DSCAM: variants seen among roughly 807,000 people sequenced by gnomAD.
The protein encoded by DSCAM is DS cell adhesion molecule.
A neutral mutation model predicts 217.7 loss-of-function variants in DSCAM; 47 were observed. The observed-to-expected ratio is 0.22, with a 90% confidence interval of 0.17 to 0.28. The LOEUF (loss-of-function observed/expected upper bound fraction) is 0.28, where lower values mean the gene tolerates loss of function less well. Ranked by LOEUF, DSCAM falls within the 10% of genes least tolerant of loss-of-function variation. The probability of loss-of-function intolerance (pLI) is 1.00; values close to 1 mark genes in which losing one functional copy is unlikely to be tolerated. For missense variants in DSCAM, 2,080 were observed against 2,618.3 expected, an observed-to-expected ratio of 0.79 and a Z score of 4.49; for synonymous variants, 1,056 against 1,015.3, an observed-to-expected ratio of 1.04 and a Z score of -0.76.
At chr21:40,674,909 C>T (rs930561899) in intron 3 of DSCAM, among the ~76,000 whole-genome samples, 11 of 152,168 alleles carry the variant, frequency 7.2e-5, no homozygotes, top group African/African-American at 2.2e-4. Context: ...AGGTGTGAGC[C>T]ACCGCGCCCG....
intron 3 of DSCAM, among the ~76,000 whole-genome samples, chr21:40,497,779 G>C (rs62225513): frequency 0.089 from 13,521 of 152,238 alleles, 700 homozygotes; most frequent in Middle Eastern, 0.16. Context: ...AAAAAATAAA[G>C]TTAATTGGGA....
At chr21:40,138,465 AGT>A (rs996477668) in intron 18 of DSCAM, among the ~76,000 whole-genome samples, 1 of 98,214 alleles carries the variant, frequency 1.0e-5, no homozygotes, top group African/African-American at 4.0e-5. Context: ...TGTGTGGTGT[AGT>A]GTGTGGTGTA....
chr21:40,227,184 A>G lies in DSCAM; in HGVS notation c.2357-37946T>C, dbSNP rs118025828. 3.4e-4 allele frequency among the ~76,000 whole-genome samples: 52 copies of G among 152,272 alleles called. 1 individual carries two copies. The East Asian group carries it at 0.01, about 29-fold the overall frequency. Reference sequence around the variant, plus strand: ...AAAAAAAATCATTTAAGGATCAAAGACTGATGCTGGGATAAAATGTGTCAT... The same window carrying G: ...AAAAAAAATCATTTAAGGATCAAAGGCTGATGCTGGGATAAAATGTGTCAT... On this transcript the variant is annotated intron_variant, in intron 11 of 32. Transcript: ENST00000400454.
intron 3 of DSCAM, among the ~76,000 whole-genome samples, chr21:40,425,669 C>CAAAAA (rs34174337): frequency 1.4e-5 from 1 of 68,994 alleles, no homozygotes; most frequent in Non-Finnish European, 3.0e-5. Flanking sequence ...ACTCGGTGTC[C>CAAAAA]AAAAAAAAAA....
intron 1 of DSCAM, among the ~76,000 whole-genome samples, chr21:40,803,188 T>C (rs762769187): frequency 1.3e-5 from 2 of 152,228 alleles, no homozygotes; most frequent in African/African-American, 2.4e-5. Flanking sequence ...TGAAATCTCA[T>C]ATGTTTTTCA....
chr21:40,464,966 CTT>C (rs1458707054), intron 3 of DSCAM, among the ~76,000 whole-genome samples: 5 of 152,096 alleles, frequency 3.3e-5, no homozygotes, highest in African/African-American at 9.7e-5. Flanking sequence ...GTATCGATCT[CTT>C]TATCTCATGA....
At position 40,267,603 on chromosome 21, in the gene DSCAM, A is replaced by G. The variant is rs374002854; in HGVS notation, c.2356+8494T>C. Among the ~76,000 whole-genome samples, 63 of 152,312 alleles carry G rather than the reference A, an allele frequency of 4.1e-4. 1 individual carries two copies. The South Asian group carries it at 8.7e-3, about 21-fold the overall frequency. On this transcript the variant is annotated intron_variant, in intron 11 of 32. Transcript: ENST00000400454. ...GCAGCACATAACTATATAACATAAAATCTGGATTATGGGCCGGGTGTGGTG... is the reference window on the plus strand; with the variant it reads ...GCAGCACATAACTATATAACATAAAGTCTGGATTATGGGCCGGGTGTGGTG...
intron 3 of DSCAM, among the ~76,000 whole-genome samples, chr21:40,401,236 G>T (rs2075230507): frequency 6.6e-6 from 1 of 152,168 alleles, no homozygotes; most frequent in South Asian, 2.1e-4. Flanking sequence ...TCAGCTTGCA[G>T]CTCAACCACT....
intron 1 of DSCAM, among the ~76,000 whole-genome samples, chr21:40,721,722 T>C (rs965098729): frequency 7.2e-5 from 11 of 151,998 alleles, no homozygotes; most frequent in Non-Finnish European, 1.3e-4. Flanking sequence ...TAATTGGAGT[T>C]CTAGGATGAA....
At chr21:40,798,466 G>A (rs979769155) in intron 1 of DSCAM, among the ~76,000 whole-genome samples, 35 of 151,916 alleles carry the variant, frequency 2.3e-4, no homozygotes, top group Non-Finnish European at 1.5e-4. Flanking sequence ...AAATTAATAA[G>A]CCTAGCATTT....
intron 3 of DSCAM, among the ~76,000 whole-genome samples, chr21:40,472,179 T>C (rs1601669858): frequency 6.6e-6 from 1 of 152,206 alleles, no homozygotes; most frequent in Admixed American, 6.5e-5. Context: ...TTTGTGGCAG[T>C]TTTAGTTCAT....
chr21:40,347,463 A>T (rs933968682), intron 6 of DSCAM, among the ~76,000 whole-genome samples: 2 of 152,350 alleles, frequency 1.3e-5, no homozygotes. Context: ...ACTTTACATT[A>T]CTTCTAATAT....
At chr21:40,488,082 G>C (rs2146003925) in intron 3 of DSCAM, among the ~76,000 whole-genome samples, 1 of 152,294 alleles carries the variant, frequency 6.6e-6, no homozygotes, top group East Asian at 1.9e-4. Context: ...TTGCTGGTCA[G>C]GGACCACATT....
chr21:40,122,754 C>T (rs563276849), intron 20 of DSCAM, among the ~76,000 whole-genome samples: 2 of 152,194 alleles, frequency 1.3e-5, no homozygotes, highest in Admixed American at 6.5e-5. Flanking sequence ...GGGCAGAGTA[C>T]TGCCATGAAT....
chr21:40,535,485 A>AGTGTTT (rs2076488306), intron 3 of DSCAM, among the ~76,000 whole-genome samples: 1 of 152,194 alleles, frequency 6.6e-6, no homozygotes, highest in Non-Finnish European at 1.5e-5. Context: ...TAAGAGTCAC[A>AGTGTTT]GTGTTTGTCG....
intron 3 of DSCAM, among the ~76,000 whole-genome samples, chr21:40,572,669 T>A (rs1018249334): frequency 1.3e-5 from 2 of 152,172 alleles, no homozygotes; most frequent in African/African-American, 4.8e-5. Flanking sequence ...AGGAGTATAT[T>A]CTAATGCTAA....
At chr21:40,826,242 G>A (rs534633845) in intron 1 of DSCAM, among the ~76,000 whole-genome samples, 7 of 152,318 alleles carry the variant, frequency 4.6e-5, no homozygotes, top group Admixed American at 1.3e-4. Context: ...AAGTGAAGAA[G>A]TGGGGCGGGA....
chr21:40,449,218 C>T lies in DSCAM; in HGVS notation c.509-79973G>A, dbSNP rs1288903631. Among the ~76,000 whole-genome samples, 3 of 152,158 alleles carry T rather than the reference C, an allele frequency of 2.0e-5. No homozygotes were observed. In the East Asian group the frequency reaches 5.8e-4, roughly 29 times the overall value. On this transcript the variant is annotated intron_variant, in intron 3 of 32. Coordinates refer to ENST00000400454, the MANE Select transcript of DSCAM (RefSeq NM_001389.5). ...TGGATAATAGAGGATAAACTCTCTA[C>T]CTCAAGGTCATTTAACTGCAGCTGC...
chr21:40,335,823 G>A (rs1383843758), intron 8 of DSCAM, among the ~76,000 whole-genome samples: 1 of 152,176 alleles, frequency 6.6e-6, no homozygotes, highest in Admixed American at 6.5e-5. Flanking sequence ...TGACAATGCT[G>A]AGGTGCTGTT....
Sources: allele counts gnomAD v4.1 joint callset (sites outside exome capture counted in the v4.1 genomes callset), GRCh38; gene constraint gnomAD v4.1.1; transcripts MANE v1.5; gene names NCBI Gene and HGNC (gene_info 2026-07-23, HGNC 2026-07-21).